The following FRYL variants were observed in gnomAD, a reference collection of about 807,000 sequenced individuals.
FRYL encodes the protein FRY like transcription coactivator.
In FRYL, 150 loss-of-function variants were observed where a neutral mutation model predicts 351.2. The ratio of observed to expected loss-of-function variants is 0.43; its 90% CI spans 0.37 to 0.49. FRYL has a LOEUF of 0.49. Among genes scored for constraint, FRYL ranks in the 20% least tolerant of loss-of-function variants. The pLI, the probability that FRYL is intolerant of heterozygous loss-of-function variation, is 0.00. For synonymous variants in FRYL, 1,153 were observed against 1,257.1 expected (o/e 0.92, Z 1.75); for missense variants, 3,036 against 3,619.3 (o/e 0.84, Z 4.13).
intron 1 of FRYL, among the ~76,000 whole-genome samples, chr4:48,717,230 A>T (rs1465018099): frequency 6.6e-6 from 1 of 151,188 alleles, no homozygotes; most frequent in Non-Finnish European, 1.5e-5. Flanking sequence ...TATGTAACTA[A>T]CCTGCACATT....
intron 2 of FRYL, among the ~76,000 whole-genome samples, chr4:48,705,051 G>A (rs1315166086): frequency 6.6e-6 from 1 of 151,430 alleles, no homozygotes; most frequent in Non-Finnish European, 1.5e-5. Flanking sequence ...AACCCAGGAG[G>A]TGGAAGTTGC....
chr4:48,558,719 T>C (rs1391225000), intron 33 of FRYL, among the ~76,000 whole-genome samples: 1 of 152,216 alleles, frequency 6.6e-6, no homozygotes, highest in East Asian at 1.9e-4. Flanking sequence ...ATGCCTATGA[T>C]GTGCCTGTTA....
At chr4:48,691,018 T>TAG (rs1765634579) in intron 2 of FRYL, among the ~76,000 whole-genome samples, 2 of 152,216 alleles carry the variant, frequency 1.3e-5, no homozygotes, top group Non-Finnish European at 2.9e-5. Context: ...CCAGCAAGCT[T>TAG]AGAGAAGCCT....
chr4:48,651,212 C>A, intron 3 of FRYL, among the ~76,000 whole-genome samples: 1 of 112,384 alleles, frequency 8.9e-6, no homozygotes. Flanking sequence ...ACCACATGCA[C>A]CGTGTGTGTG....
chr4:48,736,850 G>GAAAAAAAAAAAAAAAA (rs368006420), intron 1 of FRYL, among the ~76,000 whole-genome samples: 8 of 40,594 alleles, frequency 2.0e-4, no homozygotes, highest in Non-Finnish European at 2.2e-4. Context: ...ACTCTGTCTC[G>GAAAAAAAAAAAAAAAA]AAAAAAAAAA....
At chr4:48,737,609 C>T (rs1301387735) in intron 1 of FRYL, among the ~76,000 whole-genome samples, 2 of 152,142 alleles carry the variant, frequency 1.3e-5, no homozygotes, top group Non-Finnish European at 2.9e-5. Flanking sequence ...AGAGGAAATA[C>T]TCCCAAACTC....
Position 48,549,756 on chromosome 4 carries a change from T to C in FRYL, c.4634-133A>G, listed in dbSNP as rs1196540960. On this transcript the variant is annotated intron_variant, in intron 38 of 63. Transcript: ENST00000358350. The surrounding 1 kb of genome is among the most constrained non-coding windows in gnomAD (Gnocchi z 4.2). ...AAATTTCCCACTATTTCAACATGTT[T>C]GCTAGGAAAATCTAGGCACAAATAT... is the stretch of plus-strand genomic sequence containing the variant. The C allele has an allele frequency of 4.5e-6, 3 of 668,024 alleles. No homozygotes were observed. The South Asian group carries it at 7.9e-5, about 18-fold the overall frequency. The allele number at this position is 668,024 out of a possible 1,614,324, so 41.4% of individuals were successfully genotyped here. A position where few individuals can be genotyped will look rare whatever the true frequency, so the allele number is the denominator to read the frequency against.
chr4:48,575,474 T>C (rs1310801283), intron 24 of FRYL, among the ~76,000 whole-genome samples: 1 of 152,174 alleles, frequency 6.6e-6, no homozygotes, highest in African/African-American at 2.4e-5. Flanking sequence ...TTACAGACAC[T>C]CATGATCATA....
intron 3 of FRYL, among the ~76,000 whole-genome samples, chr4:48,660,252 G>A (rs796828979): frequency 2.9e-4 from 44 of 152,228 alleles, no homozygotes; most frequent in African/African-American, 1.0e-3. Context: ...GACTGAAGAA[G>A]TAAATAAACA....
intron 26 of FRYL, chr4:48,571,885 T>C (rs912855867): frequency 3.0e-6 from 3 of 985,176 alleles, no homozygotes; most frequent in Admixed American, 1.2e-4. Flanking sequence ...ATGTGTTTAA[T>C]AGCATTCCTT....
At chr4:48,615,740 T>C (rs1345153675) in intron 7 of FRYL, among the ~76,000 whole-genome samples, 1 of 152,188 alleles carries the variant, frequency 6.6e-6, no homozygotes, top group African/African-American at 2.4e-5. Flanking sequence ...CTTGTTACAA[T>C]GAAAAGTTTC....
At chr4:48,664,932 A>G (rs1761452619) in intron 3 of FRYL, among the ~76,000 whole-genome samples, 1 of 152,204 alleles carries the variant, frequency 6.6e-6, no homozygotes, top group African/African-American at 2.4e-5. Flanking sequence ...GTCATGTCCA[A>G]ATTAACTGCT....
chr4:48,589,597 T>C, intron 18 of FRYL, 148 bp downstream of exon 18: 1 of 696,346 alleles, frequency 1.4e-6, no homozygotes, highest in African/African-American at 1.8e-5. Context: ...AAACTGAGTG[T>C]GTGGAAGGAA....
chr4:48,505,696 TAA>T (rs1278263503), intron 59 of FRYL, 81 bp from the exon 60 acceptor site: 3 of 823,688 alleles, frequency 3.6e-6, no homozygotes, highest in African/African-American at 3.4e-5. Flanking sequence ...ACACCAAACT[TAA>T]AGTTAACTTG....
At position 48,582,625 on chromosome 4, in the gene FRYL, A is replaced by G. The variant is rs1741181166; in HGVS notation, c.1858T>C (p.Tyr620His). 1 of 1,613,926 alleles carries G rather than the reference A, an allele frequency of 6.2e-7. No homozygotes were observed. Among genetic ancestry groups the G allele is most frequent in the Non-Finnish European group, 8.5e-7 (1 of 1,179,908 alleles). ...WREDVLSGFV[Y>H]FIVREVTDVH... ...TCAGTCACTTCACGAACAATAAAAT[A>G]AACAAATCCTGAAAGAACATCCTCC... Residue 620 changes from tyrosine to histidine, a missense_variant, in exon 20 of 64, where the codon TAT becomes CAT. This residue lies in a region of FRYL where 492 missense variants were observed against 551.5 expected (regional missense o/e 0.89). Transcript: ENST00000358350.
At chr4:48,736,230 A>G (rs189430932) in intron 1 of FRYL, among the ~76,000 whole-genome samples, 2 of 152,172 alleles carry the variant, frequency 1.3e-5, no homozygotes, top group African/African-American at 4.8e-5. Context: ...CTTAGGGGGA[A>G]TTTTGCTGCC....
At chr4:48,505,790 G>A (rs1367652330) in intron 59 of FRYL, 175 bp from the exon 60 acceptor site, 5 of 522,422 alleles carry the variant, frequency 9.6e-6, no homozygotes, top group Non-Finnish European at 1.7e-5. Context: ...AACAAAAGCA[G>A]GGATAGCATT....
chr4:48,755,911 C>G (rs1403583398), intron 1 of FRYL, among the ~76,000 whole-genome samples: 2 of 151,546 alleles, frequency 1.3e-5, no homozygotes, highest in Non-Finnish European at 2.9e-5. Context: ...TTCTACAAGT[C>G]TGTCCTCAAC....
At chr4:48,526,975 T>C (rs191290989) in intron 53 of FRYL, among the ~76,000 whole-genome samples, 2 of 152,280 alleles carry the variant, frequency 1.3e-5, no homozygotes, top group Admixed American at 6.5e-5. Context: ...AAACCCTTTG[T>C]GATATGTCAA....
Sources: allele counts gnomAD v4.1 joint callset (sites outside exome capture counted in the v4.1 genomes callset), GRCh38; gene constraint gnomAD v4.1.1; regional missense constraint gnomAD v4.1.1; non-coding constraint Gnocchi (gnomAD v3.1); transcripts MANE v1.5; gene names NCBI Gene and HGNC (gene_info 2026-07-23, HGNC 2026-07-21).